Variants in ERBB4 observed in about 807,000 individuals in gnomAD.
ERBB4 encodes the protein erb-b2 receptor tyrosine kinase 4, also known as receptor tyrosine-protein kinase erbB-4.
Under a neutral mutation model 158.0 loss-of-function variants are expected in ERBB4, and 42 were observed. That is an observed-to-expected ratio of 0.27 (90% CI 0.21 to 0.34). ERBB4 has a LOEUF of 0.34. Ranked by LOEUF, ERBB4 falls within the 10% of genes least tolerant of loss-of-function variation. ERBB4 has a pLI of 1.00. For synonymous variants in ERBB4, 583 were observed against 558.7 expected (o/e 1.04, Z -0.61); for missense variants, 1,333 against 1,624.1 (o/e 0.82, Z 3.08).
chr2:212,093,070 G>C (rs183527862), intron 2 of ERBB4, among the ~76,000 whole-genome samples: 1 of 152,296 alleles, frequency 6.6e-6, no homozygotes, highest in Admixed American at 6.5e-5. Context: ...TGTGGAGCTA[G>C]ATGGCCTTTT....
intron 19 of ERBB4, among the ~76,000 whole-genome samples, chr2:211,580,874 T>C (rs1349256799): frequency 3.3e-3 from 3 of 920 alleles, no homozygotes; most frequent in African/African-American, 6.5e-3. Flanking sequence ...TACATATATA[T>C]ATATATATAT....
At position 211,407,611 on chromosome 2, in the gene ERBB4, T is replaced by G. The variant is rs1482970964; in HGVS notation, c.3135+12830A>C. 2.0e-5 allele frequency among the ~76,000 whole-genome samples: 3 copies of G among 152,230 alleles called. No individual in the cohort carries two copies. In the East Asian group the frequency reaches 5.8e-4, roughly 29 times the overall value. On this transcript the variant is annotated intron_variant, in intron 25 of 27. Coordinates refer to ENST00000342788, the MANE Select transcript of ERBB4 (RefSeq NM_005235.3). The stretch of plus-strand genomic sequence containing the variant: ...TGCTGCAAGAGATATAGTCATAGTA[T>G]TTGGAATTTTTCCCACGGTGGTCTA...
chr2:212,454,361 C>G (rs1204685919), intron 1 of ERBB4, among the ~76,000 whole-genome samples: 1 of 152,176 alleles, frequency 6.6e-6, no homozygotes, highest in Non-Finnish European at 1.5e-5. Flanking sequence ...CCAAAACATG[C>G]TGTCATATTG....
intron 1 of ERBB4, among the ~76,000 whole-genome samples, chr2:212,425,916 C>T (rs569933414): frequency 1.8e-4 from 28 of 151,942 alleles, no homozygotes; most frequent in Non-Finnish European, 3.7e-4. Flanking sequence ...TATTAACATG[C>T]AGGATAAGTC....
In ERBB4 at chr2:212,344,498, A is replaced by G. The variant is rs574676216; in HGVS notation, c.82+193951T>C. Among the ~76,000 whole-genome samples, 100 of 149,014 alleles carry G rather than the reference A, an allele frequency of 6.7e-4. 1 individual carries two copies. The highest frequency in any genetic ancestry group is 3.4e-3 in the Middle Eastern group (1 of 292). ...TATATGTGTGTGTGTGTGTGTGTGT[A>G]TATGTGTGTGCATATATATGTATGT... On this transcript the variant is annotated intron_variant, in intron 1 of 27. Transcript: ENST00000342788.
chr2:212,504,929 A>ATGT (rs1691104675), intron 1 of ERBB4, among the ~76,000 whole-genome samples: 1 of 152,214 alleles, frequency 6.6e-6, no homozygotes, highest in African/African-American at 2.4e-5. Context: ...AAAAAACTGA[A>ATGT]AAATATGTAT....
intron 1 of ERBB4, among the ~76,000 whole-genome samples, chr2:212,145,773 G>C (rs932671050): frequency 2.8e-5 from 4 of 144,272 alleles, no homozygotes; most frequent in Non-Finnish European, 4.5e-5. Context: ...TCATTCTGTT[G>C]TACTTTCTCA....
intron 2 of ERBB4, among the ~76,000 whole-genome samples, chr2:212,114,658 T>C (rs78073600): frequency 0.013 from 2,045 of 152,336 alleles, 21 homozygotes; most frequent in African/African-American, 0.025. Context: ...TTTTGATGAA[T>C]ACTTCTCATT....
intron 2 of ERBB4, among the ~76,000 whole-genome samples, chr2:212,013,078 A>G (rs1266826938): frequency 2.0e-5 from 3 of 146,850 alleles, no homozygotes; most frequent in Admixed American, 6.8e-5. Context: ...TTTTTTTGAG[A>G]CAGAGTCTCA....
At chr2:212,055,096 C>T (rs1403483893) in intron 2 of ERBB4, among the ~76,000 whole-genome samples, 4 of 152,144 alleles carry the variant, frequency 2.6e-5, no homozygotes, top group Non-Finnish European at 5.9e-5. Context: ...CGGGTCACTC[C>T]CACCCTAATA....
chr2:211,908,101 C>T (rs1014592578), intron 3 of ERBB4, among the ~76,000 whole-genome samples: 1 of 151,514 alleles, frequency 6.6e-6, no homozygotes, highest in Non-Finnish European at 1.5e-5. Flanking sequence ...TTTATACAGA[C>T]AACACAAGAG....
intron 20 of ERBB4, among the ~76,000 whole-genome samples, chr2:211,440,238 C>T (rs944547686): frequency 4.6e-5 from 7 of 152,024 alleles, no homozygotes; most frequent in East Asian, 1.9e-4. Context: ...ATGTAGTGTC[C>T]GAACTCTCAC....
intron 12 of ERBB4, among the ~76,000 whole-genome samples, chr2:211,692,373 T>C (rs1314399565): frequency 3.9e-5 from 6 of 152,238 alleles, no homozygotes; most frequent in Admixed American, 6.5e-5. Context: ...GTTGGACTTA[T>C]ATCACTAAAA....
chr2:212,460,231 A>G (rs1275399845), intron 1 of ERBB4, among the ~76,000 whole-genome samples: 1 of 152,262 alleles, frequency 6.6e-6, no homozygotes, highest in African/African-American at 2.4e-5. Flanking sequence ...AGTGTCAGGT[A>G]TGTCTTTATT....
intron 1 of ERBB4, among the ~76,000 whole-genome samples, chr2:212,402,212 G>C (rs973247161): frequency 6.6e-6 from 1 of 151,960 alleles, no homozygotes; most frequent in African/African-American, 2.4e-5. Context: ...ATATAACCTG[G>C]AATGAAACTC....
At chr2:212,165,852 C>G (rs977253337) in intron 1 of ERBB4, among the ~76,000 whole-genome samples, 2 of 152,080 alleles carry the variant, frequency 1.3e-5, no homozygotes, top group African/African-American at 4.8e-5. Flanking sequence ...ACAATGCCAA[C>G]TGTCACATAT....
At chr2:211,852,157 C>T (rs1559575353) in intron 3 of ERBB4, among the ~76,000 whole-genome samples, 1 of 151,830 alleles carries the variant, frequency 6.6e-6, no homozygotes, top group Non-Finnish European at 1.5e-5. Flanking sequence ...AATTTTAATT[C>T]ATTTATTACT....
chr2:211,500,322 T>C (rs926497595), intron 20 of ERBB4, among the ~76,000 whole-genome samples: 1 of 152,060 alleles, frequency 6.6e-6, no homozygotes, highest in African/African-American at 2.4e-5. Context: ...TCTCACTGCT[T>C]TATAGCTAGA....
intron 1 of ERBB4, among the ~76,000 whole-genome samples, chr2:212,192,092 A>G (rs1490586810): frequency 4.2e-5 from 4 of 95,572 alleles, no homozygotes; most frequent in Admixed American, 1.4e-4. Context: ...TATATATATT[A>G]TATAAGTTAT....
Sources: allele counts gnomAD v4.1 joint callset (sites outside exome capture counted in the v4.1 genomes callset), GRCh38; gene constraint gnomAD v4.1.1; transcripts MANE v1.5; gene names NCBI Gene and HGNC (gene_info 2026-07-23, HGNC 2026-07-21).